The following ERFE variants were observed in gnomAD, a reference collection of about 807,000 sequenced individuals.
ERFE encodes the protein erythroferrone, also known as complement C1q tumor necrosis factor-related protein 15.
A neutral mutation model predicts 26.6 loss-of-function variants in ERFE; 25 were observed. That is an observed-to-expected ratio of 0.94 (90% CI 0.69 to 1.31). The LOEUF (loss-of-function observed/expected upper bound fraction) is 1.31. ERFE is among the 40% of genes most tolerant of loss of function. The probability of loss-of-function intolerance (pLI) is 0.00; values close to 1 mark genes in which losing one functional copy is unlikely to be tolerated. For missense variants in ERFE, 447 were observed against 440.2 expected, an observed-to-expected ratio of 1.02 and a Z score of -0.14; for synonymous variants, 206 against 204.5, an observed-to-expected ratio of 1.01 and a Z score of -0.06.
chr2:238,163,834 CG>C lies in ERFE; in HGVS notation c.526del (p.Glu176ArgfsTer67). ...ASLAPVSATAGEDDDDVVGDV... is the reference protein window; with the variant it reads ...ASLAPVSATAXEDDDDVVGDV... Reference sequence around the variant, plus strand: ...GCCTCGCCCCGGTCTCGGCCACCGCCGGGGAGGACGACGACGACGTGGTGGG... The same window carrying C: ...GCCTCGCCCCGGTCTCGGCCACCGCCGGGAGGACGACGACGACGTGGTGGG... On this transcript the variant is annotated frameshift_variant, in exon 4 of 8. Coordinates refer to ENST00000546354, the MANE Select transcript of ERFE (RefSeq NM_001291832.2). LOFTEE classifies it high-confidence loss of function. The C allele has an allele frequency of 1.5e-6, 2 of 1,322,062 alleles. No homozygotes were observed. Among genetic ancestry groups the C allele is most frequent in the South Asian group, 2.2e-5 (1 of 46,338 alleles). 81.9% of individuals were successfully genotyped at this position (1,322,062 alleles called of 1,614,324 possible). A position where few individuals can be genotyped will look rare whatever the true frequency, so the allele number is the denominator to read the frequency against.
chr2:238,165,587 C>CCGAG lies in ERFE; in HGVS notation c.888-18_888-17insGAGC. 3 of 1,539,336 alleles carry CCGAG rather than the reference C, an allele frequency of 1.9e-6. No individual in the cohort carries two copies. The highest frequency in any genetic ancestry group is 2.6e-6 in the Non-Finnish European group (3 of 1,137,490). On this transcript the variant is annotated intron_variant, in intron 6 of 7. Coordinates refer to ENST00000546354, the MANE Select transcript of ERFE (RefSeq NM_001291832.2). Reference sequence around the variant, plus strand: ...GGGTCTCATGGGGCAGGCTGACCCTCCCTCTGTTTTGGGTACAGCTCCCTG... The same window carrying CCGAG: ...GGGTCTCATGGGGCAGGCTGACCCTCCGAGCCTCTGTTTTGGGTACAGCTCCCTG...
rs1013114901 is a variant in ERFE at position 238,165,680 on chromosome 2, T to C, written c.962T>C (p.Leu321Pro). Residue 321 changes from leucine (L) to proline (P), a missense_variant, in exon 7 of 8, where the codon CTG (leucine) becomes CCG (proline). Leu to Pro is a moderately conservative substitution (Grantham distance 98). Coordinates refer to ENST00000546354, the MANE Select transcript of ERFE (RefSeq NM_001291832.2). ...FTISVNGVLYLQMGQWTSVFL... is the reference protein window; with the variant it reads ...FTISVNGVLYPQMGQWTSVFL... Reference sequence around the variant, plus strand: ...ATCTCTGTGAATGGCGTCCTGTACCTGCAGGTGAGTGCGGCAGGCTTGGGC... The same window carrying C: ...ATCTCTGTGAATGGCGTCCTGTACCCGCAGGTGAGTGCGGCAGGCTTGGGC... The C allele has an allele frequency of 1.9e-6, 3 of 1,548,354 alleles. No individual in the cohort carries two copies. The African/African-American group carries it at 4.1e-5, about 21-fold the overall frequency.
chr2:238,166,901 T>C lies in ERFE; in HGVS notation c.967-55T>C, dbSNP rs1574770461. ...GGAGTGTGGCTGGCTGGCCCTTGGG[T>C]CACCTCTGCAGGCTGTTGGGGTGGC... On this transcript the variant is annotated intron_variant, in intron 7 of 7. Coordinates refer to ENST00000546354, the MANE Select transcript of ERFE (RefSeq NM_001291832.2). 3.4e-6 allele frequency: 5 copies of C among 1,450,140 alleles called. No individual in the cohort carries two copies. The East Asian group carries it at 1.2e-4, about 36-fold the overall frequency. 89.8% of individuals were successfully genotyped at this position (1,450,140 alleles called of 1,614,324 possible).
intron 3 of ERFE, 38 bp from the exon 4 acceptor site, chr2:238,163,699 G>T: frequency 1.6e-6 from 2 of 1,273,500 alleles, no homozygotes; most frequent in South Asian, 2.7e-5. Flanking sequence ...GGCGGGTGAG[G>T]GGTCCCTGGC....
chr2:238,166,145 C>T (rs1017471220), intron 7 of ERFE, among the ~76,000 whole-genome samples: 1 of 152,226 alleles, frequency 6.6e-6, no homozygotes, highest in Non-Finnish European at 1.5e-5. Context: ...ATCTCTGGCA[C>T]TGTGGGAATT....
Position 238,163,899 on chromosome 2 carries a change from GGCCGCGGGC to G in ERFE, c.594_602del (p.Ala199_Arg201del). 1 of 1,318,366 alleles carries G rather than the reference GGCCGCGGGC, an allele frequency of 7.6e-7. No homozygotes were observed. Among genetic ancestry groups the G allele is most frequent in the East Asian group, 3.2e-5 (1 of 31,482 alleles). 81.7% of individuals were successfully genotyped at this position (1,318,366 alleles called of 1,614,324 possible). Reference sequence around the variant, plus strand: ...CTGCTGGCCGCGCCCCTGGCCCCGGGGCCGCGGGCGCCGCGCGTGGAGGCCGCTTTCCTC... The same window carrying G: ...CTGCTGGCCGCGCCCCTGGCCCCGGGGCCGCGCGTGGAGGCCGCTTTCCTC... On this transcript the variant is annotated inframe_deletion, in exon 4 of 8. Coordinates refer to ENST00000546354, the MANE Select transcript of ERFE (RefSeq NM_001291832.2).
At chr2:238,164,812 C>T (rs1278182439) in intron 6 of ERFE, 1 of 176,586 alleles carries the variant, frequency 5.7e-6, no homozygotes, top group Non-Finnish European at 1.2e-5. Flanking sequence ...GATAGCGCCA[C>T]TGCACTCCAG....
chr2:238,164,460 A>T, intron 6 of ERFE, 100 bp downstream of exon 6: 1 of 1,228,536 alleles, frequency 8.1e-7, no homozygotes, highest in Non-Finnish European at 1.1e-6. Flanking sequence ...GCCCGTTCAC[A>T]CCCCACCGTG....
Position 238,163,972 on chromosome 2 carries a change from G to C in ERFE, c.660G>C (p.Ala220=). 5 of 1,385,134 alleles carry C rather than the reference G, an allele frequency of 3.6e-6. No homozygotes were observed. The highest frequency in any genetic ancestry group is 3.7e-6 in the Non-Finnish European group (4 of 1,076,032). The allele number at this position is 1,385,134 out of a possible 1,614,324, so 85.8% of individuals were successfully genotyped here. The part of the protein sequence containing the change: ...LRRDALVERR[A]LHELGVYYLP... The stretch of plus-strand genomic sequence containing the variant: ...GGGACGCGTTGGTGGAGCGGCGCGC[G>C]CTGCACGAGCTTGGCGTCTACTACC... The change falls in exon 4 of 8, where the codon GCG becomes GCC. Residue 220 remains alanine (A), a synonymous_variant. Transcript: ENST00000546354.
At chr2:238,165,758 C>A in intron 7 of ERFE, 74 bp downstream of exon 7, 2 of 1,353,764 alleles carry the variant, frequency 1.5e-6, no homozygotes, top group Non-Finnish European at 2.0e-6. Flanking sequence ...CAGAAGGGTG[C>A]TGTTAGATGC....
At position 238,163,847 on chromosome 2, in the gene ERFE, G is replaced by A. The variant is rs1692980566; in HGVS notation, c.535G>A (p.Asp179Asn). 7.6e-7 allele frequency: 1 copy of A among 1,319,924 alleles called. No homozygotes were observed. Among genetic ancestry groups the A allele is most frequent in the South Asian group, 2.2e-5 (1 of 45,840 alleles). The allele number at this position is 1,319,924 out of a possible 1,614,324, so 81.8% of individuals were successfully genotyped here. A position where few individuals can be genotyped will look rare whatever the true frequency, so the allele number is the denominator to read the frequency against. ...PVSATAGEDDDDVVGDVLALL... is the reference protein window; with the variant it reads ...PVSATAGEDDNDVVGDVLALL... ...CTCGGCCACCGCCGGGGAGGACGAC[G>A]ACGACGTGGTGGGGGACGTGCTGGC... The change falls in exon 4 of 8, where the codon GAC (aspartate) becomes AAC (asparagine). Residue 179 changes from aspartate to asparagine, a missense_variant. Transcript: ENST00000546354.
chr2:238,168,677 G>C lies in ERFE; in HGVS notation c.*1623G>C, dbSNP rs1016837480. ...CCACCCTACCTAGAAGTACTGGGCT[G>C]GCCTGGGTACTGCATCCGTGTGTTT... On this transcript the variant is annotated 3_prime_UTR_variant, in exon 8 of 8. Transcript: ENST00000546354. 5.9e-6 allele frequency: 2 copies of C among 337,908 alleles called. No individual in the cohort carries two copies. Among genetic ancestry groups the C allele is most frequent in the African/African-American group, 4.3e-5 (2 of 46,372 alleles). 20.9% of individuals were successfully genotyped at this position (337,908 alleles called of 1,614,324 possible).
chr2:238,161,328 T>A (rs970644289), intron 1 of ERFE, among the ~76,000 whole-genome samples: 1 of 152,148 alleles, frequency 6.6e-6, no homozygotes. Flanking sequence ...CCATTTTCCC[T>A]CCAGGCATCT....
chr2:238,166,964 G>A lies in ERFE; in HGVS notation c.975G>A (p.Gln325=). Residue 325 remains glutamine, a synonymous_variant, in exon 8 of 8, where the codon CAG becomes CAA. Coordinates refer to ENST00000546354, the MANE Select transcript of ERFE (RefSeq NM_001291832.2). ...AGGCACCCTCCTTGCAGATGGGGCA[G>A]TGGACCTCCGTGTTCTTGGACAACG... ...VNGVLYLQMG[Q]WTSVFLDNAS... is the part of the protein sequence containing the mutation. The A allele has an allele frequency of 3.2e-6, 5 of 1,550,460 alleles. No homozygotes were observed. The highest frequency in any genetic ancestry group is 2.7e-5 in the African/African-American group (2 of 73,190).
chr2:238,160,425 C>T (rs1692920522), intron 1 of ERFE, among the ~76,000 whole-genome samples: 2 of 152,304 alleles, frequency 1.3e-5, no homozygotes, highest in South Asian at 2.1e-4. Context: ...GCGGCATCCT[C>T]GCCCCATGTT....
chr2:238,161,051 C>A (rs749788152), intron 1 of ERFE, among the ~76,000 whole-genome samples: 27 of 152,240 alleles, frequency 1.8e-4, no homozygotes, highest in Non-Finnish European at 3.1e-4. Context: ...TCGCCTGGTC[C>A]TCTCCCCCAC....
chr2:238,162,221 G>A (rs1017255152), intron 2 of ERFE, among the ~76,000 whole-genome samples: 7 of 152,220 alleles, frequency 4.6e-5, no homozygotes, highest in Non-Finnish European at 8.8e-5. Context: ...CTGAACACAC[G>A]ATGGAAGGCC....
At position 238,168,070 on chromosome 2, in the gene ERFE, C is replaced by T. The variant is rs772405105; in HGVS notation, c.*1016C>T. ...CTTTCCCACTTGGGTGGCCATGCGG[C>T]GCTGACATTGGACAGGTGGTGGACG... On this transcript the variant is annotated 3_prime_UTR_variant, in exon 8 of 8. Transcript: ENST00000546354. 3.5e-5 allele frequency: 7 copies of T among 201,324 alleles called. No homozygotes were observed. Among genetic ancestry groups the T allele is most frequent in the Non-Finnish European group, 7.2e-5 (7 of 97,078 alleles). The allele number at this position is 201,324 out of a possible 1,614,324, so 12.5% of individuals were successfully genotyped here.
intron 6 of ERFE, chr2:238,164,800 G>C: frequency 5.1e-6 from 1 of 197,022 alleles, no homozygotes; most frequent in Non-Finnish European, 1.0e-5. Flanking sequence ...GCAGTGAGCA[G>C]AGATAGCGCC....
Sources: gnomAD v4.1 joint callset for allele counts (sites outside exome capture counted in the v4.1 genomes callset) on GRCh38, gnomAD v4.1.1 for gene constraint, MANE v1.5 for transcripts, NCBI Gene and HGNC (gene_info 2026-07-23, HGNC 2026-07-21) for gene names.